POFUT1: variants seen among roughly 807,000 people sequenced by gnomAD.
The protein encoded by POFUT1 is GDP-fucose protein O-fucosyltransferase 1.
A neutral mutation model predicts 42.4 loss-of-function variants in POFUT1; 16 were observed. The observed-to-expected ratio is 0.38, with a 90% CI of 0.26 to 0.57. The LOEUF is 0.57. POFUT1 is among the 20% of genes least tolerant of loss of function. The pLI, the probability that POFUT1 is intolerant of heterozygous loss-of-function variation, is 0.71. For missense variants in POFUT1, 470 were observed against 504.6 expected (o/e 0.93, Z 0.66); for synonymous variants, 206 against 205.4 (o/e 1.00, Z -0.03).
At chr20:32,215,477 T>A in intron 3 of POFUT1, 26 bp downstream of exon 3, 1 of 1,584,818 alleles carries the variant, frequency 6.3e-7, no homozygotes, top group Non-Finnish European at 8.6e-7. Context: ...TCGGGGGCCC[T>A]TTCTTCCTGT....
In POFUT1 at chr20:32,215,298, G is replaced by A; in HGVS notation, c.276G>A (p.Lys92=). The part of the protein sequence containing the change: ...NLHVSYQKYF[K]LEPLQAYHRV... ...ATGTGTCCTACCAGAAGTACTTCAA[G>A]CTGGAGCCCCTCCAGGCTTACCATC... The change falls in exon 3 of 7, where the codon AAG becomes AAA. Residue 92 remains lysine (K), a synonymous_variant. Transcript: ENST00000375749. The A allele has an allele frequency of 6.2e-7, 1 of 1,613,402 alleles. No homozygotes were observed. The highest frequency in any genetic ancestry group is 8.5e-7 in the Non-Finnish European group (1 of 1,179,368).
intron 4 of POFUT1, chr20:32,217,040 T>C (rs985900701): frequency 6.2e-7 from 1 of 1,613,978 alleles, no homozygotes; most frequent in Admixed American, 1.7e-5. Flanking sequence ...ACCTTACTCT[T>C]CCCAAGGTGA....
At chr20:32,228,093 G>T (rs1376564747) in intron 4 of POFUT1, among the ~76,000 whole-genome samples, 170 bp from the exon 5 acceptor site, 1 of 152,198 alleles carries the variant, frequency 6.6e-6, no homozygotes, top group African/African-American at 2.4e-5. Context: ...CGCCACCAAG[G>T]TTCCTTATCA....
intron 2 of POFUT1, among the ~76,000 whole-genome samples, chr20:32,213,143 C>T (rs1372932406): frequency 1.3e-5 from 2 of 152,046 alleles, no homozygotes; most frequent in East Asian, 3.9e-4. Flanking sequence ...GCCTCAGCCT[C>T]CCAAAGTACT....
At chr20:32,217,224 G>T (rs1346713449) in intron 4 of POFUT1, 1 of 1,417,662 alleles carries the variant, frequency 7.1e-7, no homozygotes, top group East Asian at 2.5e-5. Context: ...CCTGTCACGT[G>T]TGAGACATAG....
chr20:32,221,351 A>C (rs1429828951), intron 4 of POFUT1, among the ~76,000 whole-genome samples: 8 of 152,106 alleles, frequency 5.3e-5, no homozygotes. Context: ...CTCTGGCCTC[A>C]ATGTCCCATC....
At chr20:32,217,030 A>G (rs2047365389) in intron 4 of POFUT1, 11 of 1,614,020 alleles carry the variant, frequency 6.8e-6, no homozygotes, top group Non-Finnish European at 9.3e-6. Flanking sequence ...CTCCTGTGTT[A>G]CCTTACTCTT....
intron 1 of POFUT1, 26 bp from the exon 2 acceptor site, chr20:32,210,045 C>A (rs780713516): frequency 6.2e-7 from 1 of 1,614,066 alleles, no homozygotes; most frequent in South Asian, 1.1e-5. Context: ...CCAGGCCTCA[C>A]CTCACCCGCA....
intron 4 of POFUT1, 158 bp downstream of exon 4, chr20:32,216,879 T>C: frequency 6.6e-7 from 1 of 1,516,130 alleles, no homozygotes; most frequent in South Asian, 1.2e-5. Flanking sequence ...GTGTGATCTG[T>C]TCCCATGTCC....
At chr20:32,208,605 G>A (rs1030221201) in intron 1 of POFUT1, among the ~76,000 whole-genome samples, 4 of 145,402 alleles carry the variant, frequency 2.8e-5, no homozygotes, top group Non-Finnish European at 6.0e-5. Context: ...CTTGAAGCCA[G>A]GAGCTCGAGA....
rs1020692431 is a variant in POFUT1, at chr20:32,237,794, G to GA, written c.*3134dup. The GA allele has an allele frequency of 1.9e-6, 1 of 534,594 alleles. No individual in the cohort carries two copies. Among genetic ancestry groups the GA allele is most frequent in the African/African-American group, 1.9e-5 (1 of 51,964 alleles). 33.1% of individuals were successfully genotyped at this position (534,594 alleles called of 1,614,324 possible). On this transcript the variant is annotated 3_prime_UTR_variant, in exon 7 of 7. Coordinates refer to ENST00000375749, the MANE Select transcript of POFUT1 (RefSeq NM_015352.2). ...CAGGGCTGTTAACAGGGTTGCAGGC[G>GA]AGAGACTGGGGTGCTGGGCTCCCCT...
rs2047364033 is a variant in POFUT1 at position 32,216,884 on chromosome 20, A to G, written c.542+163A>G. The G allele has an allele frequency of 3.3e-6, 5 of 1,522,656 alleles. No individual in the cohort carries two copies. The African/African-American group carries it at 6.9e-5, about 21-fold the overall frequency. 94.3% of individuals were successfully genotyped at this position (1,522,656 alleles called of 1,614,324 possible). A position where few individuals can be genotyped will look rare whatever the true frequency, so the allele number is the denominator to read the frequency against. On this transcript the variant is annotated intron_variant, in intron 4 of 6. Transcript: ENST00000375749. ...TTGGAATCCTGTGTGATCTGTTCCC[A>G]TGTCCACGCCTGACACGGTGGAACA... is the stretch of plus-strand genomic sequence containing the variant.
At chr20:32,221,010 G>A (rs763303176) in intron 4 of POFUT1, among the ~76,000 whole-genome samples, 5 of 152,112 alleles carry the variant, frequency 3.3e-5, no homozygotes, top group Admixed American at 2.0e-4. Context: ...CACTTCTGTC[G>A]GGTGCTATTG....
chr20:32,227,639 AT>A (rs2047421441), intron 4 of POFUT1, among the ~76,000 whole-genome samples: 2 of 152,240 alleles, frequency 1.3e-5, no homozygotes, highest in Admixed American at 6.5e-5. Flanking sequence ...AGGTGAAATA[AT>A]TATGAGATGG....
intron 4 of POFUT1, chr20:32,222,788 A>G: frequency 1.0e-6 from 1 of 985,456 alleles, no homozygotes; most frequent in Non-Finnish European, 1.2e-6. Flanking sequence ...CTTACTGCAC[A>G]TTGACTATTG....
intron 4 of POFUT1, among the ~76,000 whole-genome samples, chr20:32,223,994 G>A (rs1489830372): frequency 6.6e-6 from 1 of 152,178 alleles, no homozygotes. Flanking sequence ...CCCTTACAGA[G>A]CTCTTGTGAA....
At chr20:32,213,073 A>T (rs1337766976) in intron 2 of POFUT1, among the ~76,000 whole-genome samples, 1 of 152,012 alleles carries the variant, frequency 6.6e-6, no homozygotes, top group Non-Finnish European at 1.5e-5. Flanking sequence ...TTTAGTAGAG[A>T]TGGGGTTTCA....
chr20:32,213,991 T>G (rs2047344902), intron 2 of POFUT1, among the ~76,000 whole-genome samples: 1 of 152,210 alleles, frequency 6.6e-6, no homozygotes, highest in South Asian at 2.1e-4. Flanking sequence ...GTGTATTTGG[T>G]GTGACTCCTT....
chr20:32,231,197 A>C (rs2047441959), intron 6 of POFUT1, 136 bp downstream of exon 6: 1 of 926,238 alleles, frequency 1.1e-6, no homozygotes, highest in African/African-American at 1.6e-5. Flanking sequence ...TTCAGTTCCT[A>C]CCCTCCTTCA....
Sources: gnomAD v4.1 joint callset for allele counts (sites outside exome capture counted in the v4.1 genomes callset) on GRCh38, gnomAD v4.1.1 for gene constraint, MANE v1.5 for transcripts, NCBI Gene and HGNC (gene_info 2026-07-23, HGNC 2026-07-21) for gene names.